Variants in ZFHX3 observed in about 807,000 individuals in gnomAD.
ZFHX3 encodes the protein zinc finger homeobox protein 3.
ZFHX3 carries 42 observed loss-of-function variants against 279.1 expected under a neutral mutation model. The observed-to-expected ratio is 0.15, with a 90% confidence interval of 0.12 to 0.19. The LOEUF is 0.19. Ranked by LOEUF, ZFHX3 falls within the 10% of genes least tolerant of loss-of-function variation. ZFHX3 has a pLI of 1.00. For synonymous variants in ZFHX3, 2,293 were observed against 1,957.8 expected, an observed-to-expected ratio of 1.17 and a Z score of -4.52; for missense variants, 4,981 against 4,754.0, an observed-to-expected ratio of 1.05 and a Z score of -1.40.
At chr16:73,017,974 T>C (rs947824878) in intron 1 of ZFHX3, among the ~76,000 whole-genome samples, 1 of 149,270 alleles carries the variant, frequency 6.7e-6, no homozygotes, top group African/African-American at 2.5e-5. Context: ...GGACCTATGT[T>C]TTCTCAGTTT....
At chr16:72,895,603 C>T (rs1242463546) in intron 3 of ZFHX3, among the ~76,000 whole-genome samples, 1 of 152,246 alleles carries the variant, frequency 6.6e-6, no homozygotes, top group Non-Finnish European at 1.5e-5. Context: ...AGGAGGATCA[C>T]TTGAGCTTAG....
At chr16:73,535,248 T>C (rs2019879053) in intron 2 of ZFHX3, among the ~76,000 whole-genome samples, 1 of 152,240 alleles carries the variant, frequency 6.6e-6, no homozygotes, top group Non-Finnish European at 1.5e-5. Context: ...GAGTAAAATG[T>C]ATTAAAATAA....
chr16:73,808,647 A>G (rs1429073233), intron 1 of ZFHX3: 1 of 152,260 alleles, frequency 6.6e-6, no homozygotes, highest in Non-Finnish European at 1.5e-5. Context: ...AGCCTGGGTA[A>G]GAGATTTAAA....
chr16:73,133,234 A>G (rs537145323), intron 6 of ZFHX3, among the ~76,000 whole-genome samples: 157 of 152,322 alleles, frequency 1.0e-3, no homozygotes, highest in Non-Finnish European at 1.2e-3. Flanking sequence ...TAAAGAGGTA[A>G]TTCGGGGCTG....
At chr16:73,620,587 G>C (rs1295449059) in intron 2 of ZFHX3, among the ~76,000 whole-genome samples, 1 of 152,230 alleles carries the variant, frequency 6.6e-6, no homozygotes, top group East Asian at 1.9e-4. Context: ...TGCAGTTTAA[G>C]ATGGTGAGTA....
chr16:73,011,982 C>G (rs1963935167), intron 1 of ZFHX3, among the ~76,000 whole-genome samples: 1 of 152,082 alleles, frequency 6.6e-6, no homozygotes, highest in Non-Finnish European at 1.5e-5. Flanking sequence ...CCTCTTCTGC[C>G]ACCACTGAAA....
chr16:73,353,785 C>T (rs771644799), intron 3 of ZFHX3, among the ~76,000 whole-genome samples: 1 of 152,020 alleles, frequency 6.6e-6, no homozygotes, highest in African/African-American at 2.4e-5. Flanking sequence ...AGACATTTGG[C>T]ATAAAGAACA....
chr16:73,674,771 AC>A (rs915744195), intron 2 of ZFHX3, among the ~76,000 whole-genome samples: 10 of 151,922 alleles, frequency 6.6e-5, no homozygotes, highest in Non-Finnish European at 1.3e-4. Flanking sequence ...TGCTTTAGAA[AC>A]CCTCAGATAT....
At chr16:72,965,453 T>C (rs541870474) in intron 1 of ZFHX3, among the ~76,000 whole-genome samples, 1 of 152,194 alleles carries the variant, frequency 6.6e-6, no homozygotes, top group Non-Finnish European at 1.5e-5. Context: ...TGCAAAGAAC[T>C]GAAATGTAGG....
chr16:72,947,995 G>A (rs887764344), intron 3 of ZFHX3, among the ~76,000 whole-genome samples: 12 of 152,156 alleles, frequency 7.9e-5, no homozygotes, highest in African/African-American at 1.7e-4. Flanking sequence ...GTGGAATGAC[G>A]AAACCTTGAG....
chr16:73,823,235 G>C (rs954266461), intron 1 of ZFHX3, among the ~76,000 whole-genome samples: 6 of 152,160 alleles, frequency 3.9e-5, no homozygotes, highest in Non-Finnish European at 4.4e-5. Context: ...CAAAGTAGGA[G>C]TTAATTAGGC....
At position 72,821,534 on chromosome 16, in the gene ZFHX3, C is replaced by G. The variant is rs139889885; in HGVS notation, c.3529+8245G>C. ...GGCGGTTCTGGAGCACCTTCAGGTA[C>G]TCCTCAGGAACTGATGTTTTTTCAC... is the stretch of plus-strand genomic sequence containing the variant. On this transcript the variant is annotated intron_variant, in intron 5 of 9. Transcript: ENST00000268489. Among the ~76,000 whole-genome samples the G allele has an allele frequency of 4.7e-3, 709 of 152,326 alleles. 11 individuals carry two copies. Among genetic ancestry groups the G allele is most frequent in the African/African-American group, 0.015 (643 of 41,566 alleles).
At chr16:73,008,474 A>C (rs1450816242) in intron 1 of ZFHX3, among the ~76,000 whole-genome samples, 1 of 152,244 alleles carries the variant, frequency 6.6e-6, no homozygotes, top group Non-Finnish European at 1.5e-5. Context: ...GACAATGTTA[A>C]AAGTGAAAAA....
intron 8 of ZFHX3, among the ~76,000 whole-genome samples, chr16:73,072,524 GAA>G (rs549811505): frequency 2.7e-4 from 41 of 151,710 alleles, no homozygotes; most frequent in African/African-American, 9.7e-4. Flanking sequence ...GTGGGACTCT[GAA>G]TGTTAATATA....
intron 2 of ZFHX3, among the ~76,000 whole-genome samples, chr16:73,642,036 C>A (rs1376878156): frequency 6.6e-6 from 1 of 152,054 alleles, no homozygotes; most frequent in Non-Finnish European, 1.5e-5. Flanking sequence ...GTGAGGGACG[C>A]TTCCACCAAA....
At chr16:73,693,457 G>A (rs1044055661) in intron 1 of ZFHX3, among the ~76,000 whole-genome samples, 5 of 152,052 alleles carry the variant, frequency 3.3e-5, no homozygotes, top group East Asian at 1.9e-4. Context: ...AGACATTTGC[G>A]TTTGAGCTGC....
chr16:73,340,705 C>A (rs2016015844), intron 3 of ZFHX3, among the ~76,000 whole-genome samples: 1 of 152,138 alleles, frequency 6.6e-6, no homozygotes, highest in Non-Finnish European at 1.5e-5. Flanking sequence ...GCTAGGACGA[C>A]TGGCTAGACA....
chr16:73,642,389 T>C (rs12149845), intron 2 of ZFHX3, among the ~76,000 whole-genome samples: 11,830 of 152,258 alleles, frequency 0.078, 608 homozygotes, highest in Middle Eastern at 0.12. Flanking sequence ...CCACGCTCTC[T>C]TTTTACTTCT....
At chr16:73,831,031 A>G (rs1013303667) in intron 1 of ZFHX3, among the ~76,000 whole-genome samples, 4 of 152,316 alleles carry the variant, frequency 2.6e-5, no homozygotes, top group Middle Eastern at 6.8e-3. Flanking sequence ...CAGATGTTAC[A>G]TATTTCTCTT....
Sources: allele counts gnomAD v4.1 joint callset (sites outside exome capture counted in the v4.1 genomes callset), GRCh38; gene constraint gnomAD v4.1.1; transcripts MANE v1.5; gene names NCBI Gene and HGNC (gene_info 2026-07-23, HGNC 2026-07-21).